The following PSD3 variants were observed in gnomAD, a reference collection of about 807,000 sequenced individuals.
PSD3 encodes pleckstrin and Sec7 domain containing 3.
A neutral mutation model predicts 105.5 loss-of-function variants in PSD3; 49 were observed. The ratio of observed to expected loss-of-function variants is 0.46; its 90% confidence interval spans 0.37 to 0.59. The LOEUF is 0.59. PSD3 is among the 20% of genes least tolerant of loss of function. The pLI is 0.00. For synonymous variants in PSD3, 557 were observed against 457.8 expected (o/e 1.22, Z -2.77); for missense variants, 1,561 against 1,263.8 (o/e 1.24, Z -3.57).
intron 1 of PSD3, among the ~76,000 whole-genome samples, chr8:19,052,924 T>A (rs1828582769): frequency 6.6e-6 from 1 of 152,152 alleles, no homozygotes; most frequent in South Asian, 2.1e-4. Context: ...GTAGAGGGCC[T>A]GCTTGTGTCA....
At chr8:19,003,250 A>G (rs1366659005) in intron 1 of PSD3, among the ~76,000 whole-genome samples, 1 of 151,996 alleles carries the variant, frequency 6.6e-6, no homozygotes, top group Non-Finnish European at 1.5e-5. Flanking sequence ...GCACCCCTGT[A>G]GTTCCAGCTA....
intron 11 of PSD3, among the ~76,000 whole-genome samples, chr8:18,605,482 A>C (rs989111614): frequency 6.6e-6 from 1 of 152,062 alleles, no homozygotes; most frequent in African/African-American, 2.4e-5. Context: ...TTACAGGTTC[A>C]TAGGTAGAAG....
intron 9 of PSD3, among the ~76,000 whole-genome samples, chr8:18,695,753 T>C (rs1172799354): frequency 6.6e-6 from 1 of 152,194 alleles, no homozygotes; most frequent in Non-Finnish European, 1.5e-5. Flanking sequence ...ATCTACCTTG[T>C]AACCTCACAG....
chr8:18,733,260 T>G (rs1278604646), intron 9 of PSD3: 1 of 152,106 alleles, frequency 6.6e-6, no homozygotes, highest in East Asian at 1.9e-4. Context: ...TTTTAAAAAA[T>G]GAGAGGTTCT....
chr8:18,640,845 C>T (rs1391630360), intron 10 of PSD3, among the ~76,000 whole-genome samples: 1 of 152,158 alleles, frequency 6.6e-6, no homozygotes, highest in Non-Finnish European at 1.5e-5. Context: ...CGACACTTGC[C>T]CCCACTACTT....
At chr8:18,967,164 T>TA (rs1418052739) in intron 1 of PSD3, among the ~76,000 whole-genome samples, 2 of 150,446 alleles carry the variant, frequency 1.3e-5, no homozygotes, top group Non-Finnish European at 3.0e-5. Context: ...TTATTTATTT[T>TA]TTTTTTTTGA....
intron 9 of PSD3, among the ~76,000 whole-genome samples, chr8:18,657,455 C>T (rs939300747): frequency 1.3e-5 from 2 of 152,132 alleles, no homozygotes; most frequent in African/African-American, 4.8e-5. Context: ...AAAACCAGGT[C>T]ACATTTTATA....
chr8:18,539,334 G>T (rs924107410), intron 15 of PSD3, among the ~76,000 whole-genome samples: 9 of 152,120 alleles, frequency 5.9e-5, no homozygotes, highest in Non-Finnish European at 1.0e-4. Context: ...TCTCTTCATT[G>T]ATTTCGCCTC....
chr8:18,870,639 C>T, intron 3 of PSD3, among the ~76,000 whole-genome samples: 1 of 151,272 alleles, frequency 6.6e-6, no homozygotes, highest in Non-Finnish European at 1.5e-5. Flanking sequence ...TGTAACAAAC[C>T]TGCACGTTCT....
chr8:19,084,239 G>C (rs779452525), exon 1 of PSD3: 57 of 451,384 alleles, frequency 1.3e-4, no homozygotes, highest in South Asian at 2.2e-4. Flanking sequence ...GGGCTGGGCA[G>C]CCCTTGCTGG....
chr8:19,060,451 A>T (rs1369665596), intron 1 of PSD3, among the ~76,000 whole-genome samples: 2 of 152,172 alleles, frequency 1.3e-5, no homozygotes, highest in African/African-American at 4.8e-5. Context: ...TCTGGGCAAC[A>T]TAGCAAGATC....
chr8:19,051,037 T>C (rs912741251), intron 1 of PSD3, among the ~76,000 whole-genome samples: 2 of 152,138 alleles, frequency 1.3e-5, no homozygotes, highest in African/African-American at 4.8e-5. Flanking sequence ...ATTCCAATTC[T>C]AGTGCTCTTC....
Position 19,013,591 on chromosome 8 carries a change from C to G in PSD3, c.-8G>C, listed in dbSNP as rs1362173055. 1.3e-6 allele frequency: 2 copies of G among 1,495,334 alleles called. No homozygotes were observed. The highest frequency in any genetic ancestry group is 2.2e-5 in the Admixed American group (1 of 44,774). 92.6% of individuals were successfully genotyped at this position (1,495,334 alleles called of 1,614,324 possible). A position where few individuals can be genotyped will look rare whatever the true frequency, so the allele number is the denominator to read the frequency against. On this transcript the variant is annotated 5_prime_UTR_variant, in exon 1 of 16. Transcript: ENST00000327040. ...TGCGCTCCTTCCTTCCATCTTCCAT[C>G]GCCAGCCCGGCCGCGCGCCGAAACC...
intron 11 of PSD3, among the ~76,000 whole-genome samples, chr8:18,612,397 G>A (rs564766219): frequency 2.0e-5 from 3 of 151,606 alleles, no homozygotes; most frequent in South Asian, 4.2e-4. Flanking sequence ...CTTTTGAGAC[G>A]GAGTCTTGCT....
chr8:18,781,322 C>G (rs1460471029), intron 8 of PSD3, among the ~76,000 whole-genome samples: 1 of 152,184 alleles, frequency 6.6e-6, no homozygotes, highest in African/African-American at 2.4e-5. Context: ...GCATGCATAT[C>G]CTTTTTCTAT....
intron 1 of PSD3, among the ~76,000 whole-genome samples, chr8:19,033,424 A>G (rs186765232): frequency 3.3e-5 from 5 of 152,154 alleles, no homozygotes; most frequent in Admixed American, 2.6e-4. Flanking sequence ...TTCGAAGTTT[A>G]CTTTTGATTC....
intron 4 of PSD3, among the ~76,000 whole-genome samples, chr8:18,829,482 C>G (rs1244473169): frequency 6.6e-6 from 1 of 152,188 alleles, no homozygotes; most frequent in Admixed American, 6.5e-5. Context: ...TCCCGTCCAT[C>G]AACGCCCTAG....
intron 1 of PSD3, among the ~76,000 whole-genome samples, chr8:18,976,970 A>G (rs989306453): frequency 1.3e-5 from 2 of 152,188 alleles, no homozygotes; most frequent in East Asian, 1.9e-4. Context: ...AAAAATAGAG[A>G]AAGACTATTG....
chr8:18,945,359 T>C (rs1222142802), intron 1 of PSD3, among the ~76,000 whole-genome samples: 2 of 152,104 alleles, frequency 1.3e-5, no homozygotes, highest in Non-Finnish European at 2.9e-5. Flanking sequence ...CATAGAAAAG[T>C]AGAGCCAGAG....
Sources: gnomAD v4.1 joint callset for allele counts (sites outside exome capture counted in the v4.1 genomes callset) on GRCh38, gnomAD v4.1.1 for gene constraint, MANE v1.5 for transcripts, NCBI Gene and HGNC (gene_info 2026-07-23, HGNC 2026-07-21) for gene names.